Variants in SYCP2 observed in about 807,000 individuals in gnomAD.
SYCP2 encodes the protein synaptonemal complex protein 2.
A neutral mutation model predicts 211.3 loss-of-function variants in SYCP2; 55 were observed. The ratio of observed to expected loss-of-function variants is 0.26; its 90% CI spans 0.21 to 0.33. SYCP2 has a LOEUF of 0.33. Ranked by LOEUF, SYCP2 falls within the 10% of genes least tolerant of loss-of-function variation. SYCP2 has a pLI of 1.00. For missense variants in SYCP2, 1,731 were observed against 1,752.0 expected (o/e 0.99, Z 0.21); for synonymous variants, 570 against 555.2 (o/e 1.03, Z -0.37).
intron 24 of SYCP2, among the ~76,000 whole-genome samples, chr20:59,890,348 T>C (rs1457194336): frequency 2.0e-5 from 3 of 151,984 alleles, no homozygotes; most frequent in African/African-American, 7.3e-5. Flanking sequence ...AGTTGAATAA[T>C]AAGAACACAT....
chr20:59,908,222 C>G (rs1365397294), intron 14 of SYCP2, among the ~76,000 whole-genome samples: 1 of 152,122 alleles, frequency 6.6e-6, no homozygotes, highest in Non-Finnish European at 1.5e-5. Flanking sequence ...GCTCTCCAGC[C>G]TGGGCAACAG....
At chr20:59,864,440 AACC>A in intron 44 of SYCP2, 52 bp from the exon 45 acceptor site, 2 of 1,263,802 alleles carry the variant, frequency 1.6e-6, no homozygotes, top group Non-Finnish European at 1.1e-6. Context: ...TTCGCTGTAA[AACC>A]ACCAAATAAA....
intron 30 of SYCP2, 87 bp from the exon 31 acceptor site, chr20:59,880,558 C>CAAA: frequency 1.5e-6 from 1 of 657,226 alleles, no homozygotes; most frequent in Admixed American, 3.8e-5. Flanking sequence ...ACAACAACAA[C>CAAA]AAAAAAAAAC....
intron 18 of SYCP2, among the ~76,000 whole-genome samples, chr20:59,899,841 TA>T (rs2060081068): frequency 6.6e-6 from 1 of 152,162 alleles, no homozygotes; most frequent in African/African-American, 2.4e-5. Context: ...TTCTACATTA[TA>T]GCCAAATGCA....
intron 2 of SYCP2, among the ~76,000 whole-genome samples, chr20:59,931,223 C>T (rs1197674223): frequency 6.6e-6 from 1 of 152,180 alleles, no homozygotes; most frequent in Admixed American, 6.5e-5. Context: ...AGCTCCAGAC[C>T]AGCATGGGCA....
chr20:59,897,686 A>G (rs2060035750), intron 18 of SYCP2, among the ~76,000 whole-genome samples: 1 of 152,208 alleles, frequency 6.6e-6, no homozygotes, highest in African/African-American at 2.4e-5. Context: ...ACAAAATAGT[A>G]ACATAAACAT....
chr20:59,870,257 A>C (rs958776229), intron 35 of SYCP2, among the ~76,000 whole-genome samples: 7 of 151,844 alleles, frequency 4.6e-5, no homozygotes, highest in Admixed American at 4.0e-4. Flanking sequence ...CACGAATAAG[A>C]ATTTTTTGCA....
intron 31 of SYCP2, among the ~76,000 whole-genome samples, chr20:59,879,605 C>T (rs2059627085): frequency 6.6e-6 from 1 of 151,204 alleles, no homozygotes; most frequent in African/African-American, 2.4e-5. Flanking sequence ...AAAACTTATA[C>T]CTGAAACTCT....
intron 12 of SYCP2, among the ~76,000 whole-genome samples, chr20:59,913,464 C>T (rs1568972215): frequency 2.6e-5 from 4 of 151,854 alleles, no homozygotes; most frequent in South Asian, 2.1e-4. Flanking sequence ...GTTTTTCTGT[C>T]GTTATAAAAA....
chr20:59,894,978 G>A (rs1030408211), intron 20 of SYCP2, among the ~76,000 whole-genome samples: 6 of 151,908 alleles, frequency 3.9e-5, no homozygotes, highest in African/African-American at 1.5e-4. Context: ...CTCACCTCTA[G>A]CTATGGGGTT....
At chr20:59,891,333 T>C (rs1372948075) in intron 24 of SYCP2, among the ~76,000 whole-genome samples, 1 of 152,020 alleles carries the variant, frequency 6.6e-6, no homozygotes, top group African/African-American at 2.4e-5. Flanking sequence ...GATTTACCCG[T>C]AACTGTTACA....
intron 8 of SYCP2, among the ~76,000 whole-genome samples, chr20:59,916,031 AAAC>A (rs1047415708): frequency 8.5e-5 from 13 of 152,080 alleles, no homozygotes; most frequent in Non-Finnish European, 1.5e-4. Flanking sequence ...ATGAATATAA[AAAC>A]AACATAAACT....
At chr20:59,875,586 A>G (rs2059539430) in intron 33 of SYCP2, 117 bp from the exon 34 acceptor site, 2 of 718,146 alleles carry the variant, frequency 2.8e-6, no homozygotes, top group East Asian at 5.5e-5. Flanking sequence ...ATACAGGCAT[A>G]ACAAGGACCT....
At chr20:59,899,935 T>G (rs2060083116) in intron 18 of SYCP2, 2 of 578,454 alleles carry the variant, frequency 3.5e-6, no homozygotes, top group South Asian at 4.3e-5. Flanking sequence ...GTATGTCTTG[T>G]TCTAACCCCT....
At position 59,911,810 on chromosome 20, in the gene SYCP2, A is replaced by C; in HGVS notation, c.912T>G (p.Phe304Leu). 3 of 1,588,610 alleles carry C rather than the reference A, an allele frequency of 1.9e-6. No individual in the cohort carries two copies. Among genetic ancestry groups the C allele is most frequent in the Non-Finnish European group, 2.6e-6 (3 of 1,164,948 alleles). ...GACTCCCAAGATTAAAATCAATCCA[A>C]AATTCCTCAAGTTTTTCATCTGATG... Reference protein sequence around the residue: ...QIPSDEKLEEFWIDFNLGSQT... With the variant: ...QIPSDEKLEELWIDFNLGSQT... The change falls in exon 14 of 45, where the codon TTT becomes TTG. Residue 304 changes from phenylalanine (F) to leucine (L), a missense_variant. Coordinates refer to ENST00000357552, the MANE Select transcript of SYCP2 (RefSeq NM_014258.4).
intron 19 of SYCP2, among the ~76,000 whole-genome samples, chr20:59,896,070 T>C (rs546703452): frequency 1.7e-4 from 26 of 151,808 alleles, no homozygotes; most frequent in Non-Finnish European, 1.6e-4. Context: ...GTGCCACTTA[T>C]AGAAAAAAAA....
intron 31 of SYCP2, 110 bp downstream of exon 31, chr20:59,880,193 G>T: frequency 1.2e-6 from 1 of 801,180 alleles, no homozygotes; most frequent in Non-Finnish European, 1.9e-6. Context: ...ATCCATGAAA[G>T]TATGTAGTAA....
chr20:59,882,145 G>A lies in SYCP2; in HGVS notation c.2550C>T (p.Ser850=). The stretch of plus-strand genomic sequence containing the variant: ...CAAAGGTAGTCTTCAGTTTTCTGTA[G>A]CTTTTTTTCTGAACTTTTTCCTGAA... The part of the protein sequence containing the change: ...QLSKEKVQKK[S]YRKLKTTFVN... The change falls in exon 27 of 45, where the codon AGC becomes AGT. Residue 850 remains serine (S), a synonymous_variant. Coordinates refer to ENST00000357552, the MANE Select transcript of SYCP2 (RefSeq NM_014258.4). 6.2e-7 allele frequency: 1 copy of A among 1,612,364 alleles called. No individual in the cohort carries two copies. The highest frequency in any genetic ancestry group is 8.5e-7 in the Non-Finnish European group (1 of 1,179,064).
Position 59,922,423 on chromosome 20 carries a change from A to G in SYCP2, c.-10T>C. ...CTGGTCTTATTGGCATTTTGACTTC[A>G]TTTAAAAAAAAAAAAAAAGCAAGAC... On this transcript the variant is annotated 5_prime_UTR_variant, in exon 3 of 45. An upstream start codon of the reference 5' UTR is lost. Coordinates refer to ENST00000357552, the MANE Select transcript of SYCP2 (RefSeq NM_014258.4). 3 of 1,544,728 alleles carry G rather than the reference A, an allele frequency of 1.9e-6. No individual in the cohort carries two copies. Among genetic ancestry groups the G allele is most frequent in the Non-Finnish European group, 2.6e-6 (3 of 1,147,128 alleles).
Sources: gnomAD v4.1 joint callset for allele counts (sites outside exome capture counted in the v4.1 genomes callset) on GRCh38, gnomAD v4.1.1 for gene constraint, MANE v1.5 for transcripts, NCBI Gene and HGNC (gene_info 2026-07-23, HGNC 2026-07-21) for gene names.